The following SSC4D variants were observed in gnomAD, a reference collection of about 807,000 sequenced individuals.
The protein encoded by SSC4D is scavenger receptor cysteine rich family member with 4 domains.
In SSC4D, 57 loss-of-function variants were observed where a neutral mutation model predicts 63.4. The ratio of observed to expected loss-of-function variants is 0.90; its 90% CI spans 0.73 to 1.12. The LOEUF is 1.12. SSC4D is among the 50% of genes most tolerant of loss of function. The pLI, the probability that SSC4D is intolerant of heterozygous loss-of-function variation, is 0.00. For missense variants in SSC4D, 791 were observed against 806.4 expected (o/e 0.98, Z 0.23); for synonymous variants, 352 against 345.4 (o/e 1.02, Z -0.21).
intron 4 of SSC4D, among the ~76,000 whole-genome samples, chr7:76,399,813 C>T (rs946060717): frequency 6.6e-6 from 1 of 152,104 alleles, no homozygotes; most frequent in African/African-American, 2.4e-5. Context: ...CATAAACCAC[C>T]ATGCCCGGCT....
At chr7:76,391,574 T>A (rs908536740) in intron 10 of SSC4D, among the ~76,000 whole-genome samples, 5 of 152,148 alleles carry the variant, frequency 3.3e-5, no homozygotes, top group African/African-American at 1.2e-4. Flanking sequence ...CCTCTGTTCA[T>A]AATCCCAGTA....
Position 76,400,566 on chromosome 7 carries a change from G to A in SSC4D, c.195C>T (p.Ser65=). 2 of 1,489,786 alleles carry A rather than the reference G, an allele frequency of 1.3e-6. No individual in the cohort carries two copies. The highest frequency in any genetic ancestry group is 1.8e-6 in the Non-Finnish European group (2 of 1,115,794). 92.3% of individuals were successfully genotyped at this position (1,489,786 alleles called of 1,614,324 possible). ...FQELRLVGGP[S]RCRGRLEVMH... is the part of the protein sequence containing the mutation. ...TGACTTCCAGGCGGCCCCGGCAGCG[G>A]CTGGGGCCCCCCACCAGCCTCAGCT... The change falls in exon 4 of 11, where the codon AGC becomes AGT. Residue 65 remains serine, a synonymous_variant. Transcript: ENST00000275560.
chr7:76,404,798 G>A lies in SSC4D; in HGVS notation c.-66-293C>T, dbSNP rs180718055. Among the ~76,000 whole-genome samples, 111 of 152,070 alleles carry A rather than the reference G, an allele frequency of 7.3e-4. No homozygotes were observed. The South Asian group carries it at 0.011, about 15-fold the overall frequency. Reference sequence around the variant, plus strand: ...AAAATGCAAAAATTAGGCCGGCTGCGGTGGCTCATGCCTGTAATCCCAGCA... The same window carrying A: ...AAAATGCAAAAATTAGGCCGGCTGCAGTGGCTCATGCCTGTAATCCCAGCA... On this transcript the variant is annotated intron_variant, in intron 1 of 10. Transcript: ENST00000275560.
chr7:76,401,007 C>A lies in SSC4D; in HGVS notation c.169+1G>T. 1 of 1,550,482 alleles carries A rather than the reference C, an allele frequency of 6.4e-7. No individual in the cohort carries two copies. On this transcript the variant is annotated splice_donor_variant, in intron 3 of 10. Coordinates refer to ENST00000275560, the MANE Select transcript of SSC4D (RefSeq NM_080744.2). LOFTEE classifies it high-confidence loss of function. ...GAGGAAGGGCGGGGTGGGGCACCTA[C>A]CTTGAAAGGGCAGTGGAGTGGGCTG... is the stretch of plus-strand genomic sequence containing the variant.
At chr7:76,396,181 C>T (rs1804635186) in intron 6 of SSC4D, among the ~76,000 whole-genome samples, 1 of 152,212 alleles carries the variant, frequency 6.6e-6, no homozygotes, top group Non-Finnish European at 1.5e-5. Context: ...AGGGAGGACT[C>T]ACTCGACTCA....
At chr7:76,391,893 T>C (rs1028161168) in intron 10 of SSC4D, 71 bp downstream of exon 10, 46 of 1,468,500 alleles carry the variant, frequency 3.1e-5, no homozygotes, top group Non-Finnish European at 3.7e-5. Context: ...ACCTAGGCTG[T>C]GACCTCCCCC....
At chr7:76,390,441 G>T (rs1584014168) in intron 10 of SSC4D, 66 bp from the exon 11 acceptor site, 1 of 1,462,126 alleles carries the variant, frequency 6.8e-7, no homozygotes, top group East Asian at 2.3e-5. Flanking sequence ...AGCTAGGTCA[G>T]GTTGGCAGTA....
At position 76,389,964 on chromosome 7, in the gene SSC4D, A is replaced by C; in HGVS notation, c.*95T>G. 2 of 1,523,136 alleles carry C rather than the reference A, an allele frequency of 1.3e-6. No individual in the cohort carries two copies. Among genetic ancestry groups the C allele is most frequent in the Non-Finnish European group, 1.8e-6 (2 of 1,112,946 alleles). 94.4% of individuals were successfully genotyped at this position (1,523,136 alleles called of 1,614,324 possible). ...CTCCCAGGCAAGGGAAGGAGGGGCAAAGTGAACTGTAGTCATCACAAGAGG... is the reference window on the plus strand; with the variant it reads ...CTCCCAGGCAAGGGAAGGAGGGGCACAGTGAACTGTAGTCATCACAAGAGG... On this transcript the variant is annotated 3_prime_UTR_variant, in exon 11 of 11. Transcript: ENST00000275560.
At chr7:76,390,416 G>T in intron 10 of SSC4D, 41 bp from the exon 11 acceptor site, 2 of 1,525,120 alleles carry the variant, frequency 1.3e-6, no homozygotes, top group Non-Finnish European at 1.8e-6. Flanking sequence ...GCTGGTCCAT[G>T]CCAGGCCACT....
intron 7 of SSC4D, among the ~76,000 whole-genome samples, chr7:76,394,761 ATATATAT>A (rs1804592823): frequency 7.0e-6 from 1 of 143,216 alleles, no homozygotes; most frequent in African/African-American, 2.5e-5. Flanking sequence ...ATATATATAT[ATATATAT>A]AAAATATGTA....
chr7:76,398,309 ATT>A (rs575917641), intron 5 of SSC4D, among the ~76,000 whole-genome samples: 1,516 of 127,122 alleles, frequency 0.012, 20 homozygotes, highest in African/African-American at 0.037. Context: ...TTCATTTTCT[ATT>A]TTTTTTTTTT....
At chr7:76,397,468 GGGCCCCGCCCACCTGCCCC>G in intron 6 of SSC4D, 31 bp downstream of exon 6, 2 of 1,440,230 alleles carry the variant, frequency 1.4e-6, no homozygotes, top group African/African-American at 1.5e-5. Flanking sequence ...CATTGCCACA[GGGCCCCGCCCACCTGCCCC>G]GGCCCCGCCC....
At chr7:76,400,640 C>T in intron 3 of SSC4D, 49 bp from the exon 4 acceptor site, 2 of 1,411,292 alleles carry the variant, frequency 1.4e-6, no homozygotes, top group South Asian at 3.1e-5. Context: ...GTCCAACCTC[C>T]AGCATGCCCA....
At chr7:76,396,043 T>C (rs1804631586) in intron 6 of SSC4D, among the ~76,000 whole-genome samples, 1 of 152,252 alleles carries the variant, frequency 6.6e-6, no homozygotes, top group Non-Finnish European at 1.5e-5. Context: ...GCAAGGGCCA[T>C]GCCCAGGGTT....
At chr7:76,391,852 A>G in intron 10 of SSC4D, 112 bp downstream of exon 10, 1 of 1,100,856 alleles carries the variant, frequency 9.1e-7, no homozygotes, top group Non-Finnish European at 1.3e-6. Flanking sequence ...CAAGACTTCC[A>G]GGTCCCGGTG....
chr7:76,395,358 C>T, intron 6 of SSC4D, 28 bp from the exon 7 acceptor site: 2 of 1,610,800 alleles, frequency 1.2e-6, no homozygotes, highest in South Asian at 2.2e-5. Flanking sequence ...GGGGCAGGGT[C>T]AGAGGCTGAG....
At chr7:76,404,710 CG>C (rs1804943834) in intron 1 of SSC4D, among the ~76,000 whole-genome samples, 1 of 151,972 alleles carries the variant, frequency 6.6e-6, no homozygotes. Flanking sequence ...GCGGGTGGAT[CG>C]CTTGAACCCA....
In SSC4D at chr7:76,389,471, G is replaced by A. The variant is rs1038681276; in HGVS notation, c.*588C>T. 6.5e-6 allele frequency: 1 copy of A among 153,102 alleles called. No individual in the cohort carries two copies. The highest frequency in any genetic ancestry group is 1.5e-5 in the Non-Finnish European group (1 of 68,462). 9.5% of individuals were successfully genotyped at this position (153,102 alleles called of 1,614,324 possible). A position where few individuals can be genotyped will look rare whatever the true frequency, so the allele number is the denominator to read the frequency against. On this transcript the variant is annotated 3_prime_UTR_variant, in exon 11 of 11. Coordinates refer to ENST00000275560, the MANE Select transcript of SSC4D (RefSeq NM_080744.2). ...TAAATCAGAGATGCTGGTTCCAGCT[G>A]CAGGGAGGGGCCACTGTCCCTGCTT...
intron 2 of SSC4D, among the ~76,000 whole-genome samples, chr7:76,402,974 G>C (rs10228441): frequency 0.52 from 78,468 of 152,124 alleles, 21,145 homozygotes; most frequent in African/African-American, 0.65. Context: ...GCCTTCATTG[G>C]TTTCTTTAGG....
Sources: allele counts gnomAD v4.1 joint callset (sites outside exome capture counted in the v4.1 genomes callset), GRCh38; gene constraint gnomAD v4.1.1; transcripts MANE v1.5; gene names NCBI Gene and HGNC (gene_info 2026-07-23, HGNC 2026-07-21).